Variants in DCK observed in about 807,000 individuals in gnomAD.
DCK encodes the protein deoxyadenosine kinase.
A neutral mutation model predicts 38.3 loss-of-function variants in DCK; 23 were observed. The ratio of observed to expected loss-of-function variants is 0.60; its 90% CI spans 0.43 to 0.85. The LOEUF (loss-of-function observed/expected upper bound fraction) is 0.85. DCK is among the 40% of genes least tolerant of loss of function. DCK has a pLI of 0.00. For synonymous variants in DCK, 108 were observed against 100.6 expected (o/e 1.07, Z -0.44); for missense variants, 259 against 304.4 (o/e 0.85, Z 1.11).
At chr4:71,025,774 GT>G (rs1305824121) in intron 4 of DCK, 41 bp from the exon 5 acceptor site, 2 of 1,551,120 alleles carry the variant, frequency 1.3e-6, no homozygotes, top group Non-Finnish European at 1.7e-6. Flanking sequence ...AAGAATAATT[GT>G]TCCCTGCCTT....
chr4:71,026,630 T>G (rs890347494), intron 5 of DCK, 35 bp from the exon 6 acceptor site: 3 of 1,008,462 alleles, frequency 3.0e-6, no homozygotes, highest in Non-Finnish European at 4.6e-6. Flanking sequence ...TTTGTTGAAT[T>G]TCTGATTATT....
chr4:71,011,517 C>G (rs894619843), intron 2 of DCK, among the ~76,000 whole-genome samples: 1 of 152,050 alleles, frequency 6.6e-6, no homozygotes, highest in East Asian at 1.9e-4. Context: ...CCAACATGCC[C>G]GGCTAATTTT....
intron 2 of DCK, among the ~76,000 whole-genome samples, chr4:71,020,513 C>T (rs1740388356): frequency 6.6e-6 from 1 of 152,186 alleles, no homozygotes; most frequent in African/African-American, 2.4e-5. Context: ...CTTCTCCAGC[C>T]TTCTGAATTT....
intron 2 of DCK, among the ~76,000 whole-genome samples, chr4:71,010,862 A>T (rs1008105007): frequency 2.6e-5 from 4 of 151,706 alleles, no homozygotes; most frequent in African/African-American, 9.7e-5. Context: ...CTGAAAAACT[A>T]GTAATTGTGA....
chr4:71,026,562 G>A (rs1740552089), intron 5 of DCK, 103 bp from the exon 6 acceptor site: 2 of 688,862 alleles, frequency 2.9e-6, no homozygotes, highest in Non-Finnish European at 5.2e-6. Flanking sequence ...GTAAATGATT[G>A]ACAACATTTT....
chr4:71,015,843 A>C (rs1345480306), intron 2 of DCK, among the ~76,000 whole-genome samples: 1 of 152,106 alleles, frequency 6.6e-6, no homozygotes, highest in Non-Finnish European at 1.5e-5. Flanking sequence ...ATGGGCAAAA[A>C]CTGGAAACAT....
intron 6 of DCK, among the ~76,000 whole-genome samples, chr4:71,027,502 A>C (rs1740572097): frequency 6.6e-6 from 1 of 152,144 alleles, no homozygotes; most frequent in South Asian, 2.1e-4. Context: ...AAATATCCCT[A>C]TACCCATGTT....
Position 71,022,553 on chromosome 4 carries a change from A to C in DCK, c.394A>C (p.Ser132Arg). 1 of 1,539,266 alleles carries C rather than the reference A, an allele frequency of 6.5e-7. No individual in the cohort carries two copies. The change falls in exon 3 of 7, where the codon AGT becomes CGT. Residue 132 changes from serine (S) to arginine (R), a missense_variant. By Grantham distance (110) the Ser-to-Arg change is moderately radical. Transcript: ENST00000286648. Reference protein sequence around the residue: ...PVLFFERSVYSDRYIFASNLY... With the variant: ...PVLFFERSVYRDRYIFASNLY... The stretch of plus-strand genomic sequence containing the variant: ...ATTATTTTTTGAACGATCTGTGTAT[A>C]GTGACAGGTATGTATAAATGGCTTG...
At chr4:71,014,563 A>C (rs1740202361) in intron 2 of DCK, among the ~76,000 whole-genome samples, 2 of 146,306 alleles carry the variant, frequency 1.4e-5, no homozygotes, top group African/African-American at 4.9e-5. Context: ...AATTATAAAA[A>C]ACTGTCTCTC....
At chr4:71,019,403 A>G (rs928955169) in intron 2 of DCK, among the ~76,000 whole-genome samples, 6 of 152,112 alleles carry the variant, frequency 3.9e-5, no homozygotes, top group Non-Finnish European at 8.8e-5. Context: ...TTGTGGCAAA[A>G]ATATAAAATT....
chr4:71,017,479 C>G (rs1740300820), intron 2 of DCK, among the ~76,000 whole-genome samples: 1 of 152,042 alleles, frequency 6.6e-6, no homozygotes, highest in African/African-American at 2.4e-5. Context: ...CACATGCACA[C>G]ATATGTTTAT....
intron 2 of DCK, among the ~76,000 whole-genome samples, chr4:71,021,221 G>A (rs565290602): frequency 6.6e-5 from 10 of 151,386 alleles, no homozygotes; most frequent in Non-Finnish European, 1.5e-4. Context: ...GACTACAGGC[G>A]CCCGCCACCG....
chr4:70,996,689 C>T (rs1340835184), intron 1 of DCK, among the ~76,000 whole-genome samples: 1 of 152,152 alleles, frequency 6.6e-6, no homozygotes, highest in Admixed American at 6.5e-5. Flanking sequence ...TCTATTTTTC[C>T]TAGAATTTGA....
chr4:71,006,064 T>G (rs1739930723), intron 2 of DCK, among the ~76,000 whole-genome samples: 1 of 132,450 alleles, frequency 7.6e-6, no homozygotes, highest in Non-Finnish European at 1.5e-5. Flanking sequence ...AGGTGGAGGT[T>G]GCAGTGAGCC....
At chr4:71,012,011 C>T (rs1002399658) in intron 2 of DCK, among the ~76,000 whole-genome samples, 1 of 151,956 alleles carries the variant, frequency 6.6e-6, no homozygotes, top group African/African-American at 2.4e-5. Flanking sequence ...TAAAGTAATA[C>T]CTGTTTACTG....
At position 71,022,374 on chromosome 4, in the gene DCK, C is replaced by T. The variant is rs149277834; in HGVS notation, c.215C>T (p.Thr72Ile). ...QSTQDEFEELTMSQKNGGNVL... is the reference protein window; with the variant it reads ...QSTQDEFEELIMSQKNGGNVL... ...TTTGCACATTCAAAATAGGAACTTACAATGTCTCAGAAAAATGGTGGGAAT... is the reference window on the plus strand; with the variant it reads ...TTTGCACATTCAAAATAGGAACTTATAATGTCTCAGAAAAATGGTGGGAAT... The change falls in exon 3 of 7, where the codon ACA (threonine) becomes ATA (isoleucine). Residue 72 changes from threonine to isoleucine, a missense_variant. Transcript: ENST00000286648. The T allele has an allele frequency of 8.6e-6, 13 of 1,512,130 alleles. No individual in the cohort carries two copies. The South Asian group carries it at 1.6e-4, about 19-fold the overall frequency. The allele number at this position is 1,512,130 out of a possible 1,614,324, so 93.7% of individuals were successfully genotyped here. A position where few individuals can be genotyped will look rare whatever the true frequency, so the allele number is the denominator to read the frequency against.
intron 1 of DCK, among the ~76,000 whole-genome samples, chr4:70,996,764 A>G (rs780629861): frequency 6.6e-6 from 1 of 152,140 alleles, no homozygotes; most frequent in Non-Finnish European, 1.5e-5. Context: ...GTGTTACTCA[A>G]ATGTTCCCTT....
At chr4:71,001,861 TTTC>T (rs1324809640) in intron 2 of DCK, among the ~76,000 whole-genome samples, 12 of 152,214 alleles carry the variant, frequency 7.9e-5, no homozygotes, top group Admixed American at 3.9e-4. Flanking sequence ...TCTTCCCGCT[TTTC>T]TTCTTTATTA....
At chr4:71,005,178 G>A (rs1241666155) in intron 2 of DCK, among the ~76,000 whole-genome samples, 1 of 152,074 alleles carries the variant, frequency 6.6e-6, no homozygotes, top group Non-Finnish European at 1.5e-5. Context: ...TATCTGGGCT[G>A]GATAGCACCA....
Sources: allele counts gnomAD v4.1 joint callset (sites outside exome capture counted in the v4.1 genomes callset), GRCh38; gene constraint gnomAD v4.1.1; transcripts MANE v1.5; gene names NCBI Gene and HGNC (gene_info 2026-07-23, HGNC 2026-07-21).